Variants in IL1RAPL1 observed in about 807,000 individuals in gnomAD.
IL1RAPL1 encodes the protein interleukin 1 receptor accessory protein like 1, also known as interleukin-1 receptor accessory protein-like 1.
IL1RAPL1 carries 3 observed loss-of-function variants against 48.4 expected under a neutral mutation model. The ratio of observed to expected loss-of-function variants is 0.06; its 90% CI spans 0.03 to 0.16. The LOEUF is 0.16. Ranked by LOEUF, IL1RAPL1 falls within the 10% of genes least tolerant of loss-of-function variation. The pLI is 1.00. For synonymous variants in IL1RAPL1, 185 were observed against 187.7 expected (o/e 0.99, Z 0.12); for missense variants, 349 against 530.6 (o/e 0.66, Z 3.36).
rs746126730 is a variant in IL1RAPL1 at position 29,784,782 on chromosome X, A to G, written c.778+116278A>G. Among the ~76,000 whole-genome samples the G allele has an allele frequency of 4.5e-4, 50 of 110,992 alleles. No individual in the cohort carries two copies. In the South Asian group the frequency reaches 0.019, roughly 42 times the overall value. Reference sequence around the variant, plus strand: ...ATTCTTCCCTACATGTGCTCTATTCATCGTATCCATTTTAAAAGCAAATGA... The same window carrying G: ...ATTCTTCCCTACATGTGCTCTATTCGTCGTATCCATTTTAAAAGCAAATGA... On this transcript the variant is annotated intron_variant, in intron 6 of 10. Coordinates refer to ENST00000378993, the MANE Select transcript of IL1RAPL1 (RefSeq NM_014271.4).
At chrX:29,655,550 C>A (rs1196460322) in intron 5 of IL1RAPL1, among the ~76,000 whole-genome samples, 1 of 106,249 alleles carries the variant, frequency 9.4e-6, no homozygotes, top group East Asian at 3.0e-4. Flanking sequence ...GTAGTCCCAG[C>A]TACTCAGGAG....
chrX:29,649,838 T>C (rs1289973250), intron 5 of IL1RAPL1, among the ~76,000 whole-genome samples: 1 of 111,586 alleles, frequency 9.0e-6, no homozygotes, highest in Non-Finnish European at 1.9e-5. Context: ...TGCAGAGACA[T>C]GATCTTATAT....
intron 6 of IL1RAPL1, among the ~76,000 whole-genome samples, chrX:29,899,438 G>A (rs1932455637): frequency 9.0e-6 from 1 of 111,316 alleles, no homozygotes; most frequent in South Asian, 3.7e-4. Context: ...TGAGACAGGA[G>A]ATACAGGTTG....
rs562297247 is a variant in IL1RAPL1 at position 29,149,052 on chromosome X, C to G, written c.83-133886C>G. On this transcript the variant is annotated intron_variant, in intron 2 of 10. Coordinates refer to ENST00000378993, the MANE Select transcript of IL1RAPL1 (RefSeq NM_014271.4). ...GACAACACAAATAATCTATTTAGAC[C>G]AGAAGAGACCAACTTTCTTTCTTCT... Among the ~76,000 whole-genome samples the G allele has an allele frequency of 3.7e-4, 41 of 110,407 alleles. 1 individual carries two copies. The South Asian group carries it at 0.016, about 42-fold the overall frequency.
At chrX:29,366,631 C>T (rs1451935421) in intron 3 of IL1RAPL1, among the ~76,000 whole-genome samples, 7 of 87,373 alleles carry the variant, frequency 8.0e-5, no homozygotes, top group Non-Finnish European at 1.0e-4. Flanking sequence ...TGCAGTGGCG[C>T]GATCTCGGCT....
intron 5 of IL1RAPL1, among the ~76,000 whole-genome samples, chrX:29,657,404 C>A (rs1232188175): frequency 8.9e-6 from 1 of 111,859 alleles, no homozygotes; most frequent in Admixed American, 9.5e-5. Context: ...AATGAGTAAT[C>A]ATGCAGGACT....
chrX:29,319,558 G>GTATGTATCTATC (rs1555990684), intron 3 of IL1RAPL1, among the ~76,000 whole-genome samples: 21 of 82,023 alleles, frequency 2.6e-4, no homozygotes, highest in Admixed American at 1.4e-3. Context: ...ATGTATGTAT[G>GTATGTATCTATC]TATCTATCTA....
chrX:28,974,680 A>T (rs995065917), intron 2 of IL1RAPL1, among the ~76,000 whole-genome samples: 5 of 112,003 alleles, frequency 4.5e-5, no homozygotes, highest in Non-Finnish European at 9.4e-5. Context: ...AGATGAATAG[A>T]CTAACATGTG....
intron 3 of IL1RAPL1, among the ~76,000 whole-genome samples, chrX:29,328,792 T>A: frequency 9.1e-6 from 1 of 110,123 alleles, no homozygotes; most frequent in Non-Finnish European, 1.9e-5. Flanking sequence ...TTCAAAGTAG[T>A]TATGTCTGTG....
chrX:29,604,941 T>G (rs1433622572), intron 5 of IL1RAPL1, among the ~76,000 whole-genome samples: 1 of 110,672 alleles, frequency 9.0e-6, no homozygotes, highest in Non-Finnish European at 1.9e-5. Flanking sequence ...CAGGCCAACA[T>G]GGTGTAAACC....
At chrX:29,620,470 G>A (rs1221024346) in intron 5 of IL1RAPL1, among the ~76,000 whole-genome samples, 1 of 111,885 alleles carries the variant, frequency 8.9e-6, no homozygotes, top group Non-Finnish European at 1.9e-5. Context: ...CATAGAAAAG[G>A]TACAGTCATA....
chrX:28,848,038 A>G (rs755351258), intron 2 of IL1RAPL1, among the ~76,000 whole-genome samples: 2 of 111,464 alleles, frequency 1.8e-5, no homozygotes, highest in Admixed American at 1.9e-4. Context: ...GCTGGAAACC[A>G]TCATTCTCAG....
chrX:29,062,601 G>A (rs1018017370), intron 2 of IL1RAPL1, among the ~76,000 whole-genome samples: 27 of 111,734 alleles, frequency 2.4e-4, no homozygotes, highest in Non-Finnish European at 4.1e-4. Flanking sequence ...AATAATAAAA[G>A]CAATAAAATT....
intron 1 of IL1RAPL1, among the ~76,000 whole-genome samples, chrX:28,746,442 C>A (rs1487964567): frequency 1.8e-5 from 2 of 111,448 alleles, no homozygotes; most frequent in Non-Finnish European, 3.8e-5. Context: ...AATAGATACA[C>A]AATAGGTTGT....
intron 5 of IL1RAPL1, among the ~76,000 whole-genome samples, chrX:29,602,365 A>G (rs754366213): frequency 3.6e-5 from 4 of 112,301 alleles, no homozygotes; most frequent in Admixed American, 9.4e-5. Flanking sequence ...ATATCTCACT[A>G]GAATGACGTT....
chrX:28,768,693 CTCTCTCTGTT>C (rs1199927461), intron 1 of IL1RAPL1, among the ~76,000 whole-genome samples: 1 of 75,708 alleles, frequency 1.3e-5, no homozygotes, highest in African/African-American at 5.1e-5. Flanking sequence ...CTGTCTCTCT[CTCTCTCTGTT>C]TCTCTCTCTC....
intron 2 of IL1RAPL1, among the ~76,000 whole-genome samples, chrX:29,229,793 C>G (rs1284805015): frequency 8.9e-6 from 1 of 111,969 alleles, no homozygotes; most frequent in Admixed American, 9.5e-5. Flanking sequence ...ATTAGCCACC[C>G]TTTCTTATGC....
chrX:29,808,070 C>G (rs1351411663), intron 6 of IL1RAPL1, among the ~76,000 whole-genome samples: 1 of 111,721 alleles, frequency 9.0e-6, no homozygotes, highest in Non-Finnish European at 1.9e-5. Context: ...TATAGGGAAT[C>G]TTAGGTTTAA....
chrX:28,818,989 TA>T (rs1457631560), intron 2 of IL1RAPL1, among the ~76,000 whole-genome samples: 1 of 110,861 alleles, frequency 9.0e-6, no homozygotes, highest in African/African-American at 3.3e-5. Context: ...GTCATAGTTT[TA>T]TTCCTCTGTC....
Sources: allele counts gnomAD v4.1 joint callset (sites outside exome capture counted in the v4.1 genomes callset), GRCh38; gene constraint gnomAD v4.1.1; transcripts MANE v1.5; gene names NCBI Gene and HGNC (gene_info 2026-07-23, HGNC 2026-07-21).